The following BTBD9 variants were observed in gnomAD, a reference collection of about 807,000 sequenced individuals.
BTBD9 encodes the protein BTB domain containing 9.
BTBD9 carries 49 observed loss-of-function variants against 64.3 expected under a neutral mutation model. The observed-to-expected ratio is 0.76, with a 90% CI of 0.61 to 0.97. The LOEUF is 0.97. Ranked by LOEUF, BTBD9 falls within the 50% of genes least tolerant of loss-of-function variation. The probability of loss-of-function intolerance (pLI) is 0.00; values close to 1 mark genes in which losing one functional copy is unlikely to be tolerated. For synonymous variants in BTBD9, 260 were observed against 274.7 expected, an observed-to-expected ratio of 0.95 and a Z score of 0.53; for missense variants, 598 against 762.1, an observed-to-expected ratio of 0.78 and a Z score of 2.53.
At chr6:38,446,774 A>G (rs1769296344) in intron 6 of BTBD9, among the ~76,000 whole-genome samples, 1 of 152,230 alleles carries the variant, frequency 6.6e-6, no homozygotes, top group Non-Finnish European at 1.5e-5. Flanking sequence ...CTAAGGTCAT[A>G]TAGTTGAACT....
At chr6:38,353,501 C>T (rs549051536) in intron 6 of BTBD9, among the ~76,000 whole-genome samples, 7 of 152,156 alleles carry the variant, frequency 4.6e-5, no homozygotes, top group Admixed American at 1.3e-4. Flanking sequence ...ACCCCTTCTC[C>T]GTCTCTGTTA....
intron 6 of BTBD9, among the ~76,000 whole-genome samples, chr6:38,423,244 AACAG>A (rs879559244): frequency 1.2e-4 from 18 of 152,130 alleles, no homozygotes; most frequent in Non-Finnish European, 2.1e-4. Flanking sequence ...CAGCCTGGGC[AACAG>A]ACAGAGACTC....
At chr6:38,285,003 G>C (rs1761676599) in intron 8 of BTBD9, among the ~76,000 whole-genome samples, 1 of 152,070 alleles carries the variant, frequency 6.6e-6, no homozygotes, top group South Asian at 2.1e-4. Flanking sequence ...GGGGAGGGTG[G>C]GGAGGGGTGC....
intron 10 of BTBD9, among the ~76,000 whole-genome samples, chr6:38,189,451 T>C (rs563844671): frequency 6.6e-6 from 1 of 152,324 alleles, no homozygotes; most frequent in South Asian, 2.1e-4. Context: ...CTCTGAGGGT[T>C]TGCTGTATTC....
chr6:38,303,985 C>A (rs1762524620), intron 7 of BTBD9, among the ~76,000 whole-genome samples: 1 of 146,480 alleles, frequency 6.8e-6, no homozygotes, highest in Non-Finnish European at 1.5e-5. Context: ...GAATAGCATA[C>A]TATTCTTTCT....
chr6:38,223,772 CTTTT>C (rs1229508772), intron 9 of BTBD9, among the ~76,000 whole-genome samples: 1 of 145,936 alleles, frequency 6.9e-6, no homozygotes, highest in East Asian at 2.0e-4. Context: ...TTGGATTCTC[CTTTT>C]TTTTTTTTTA....
chr6:38,326,459 G>A (rs1235182876), intron 7 of BTBD9, among the ~76,000 whole-genome samples: 7 of 152,174 alleles, frequency 4.6e-5, no homozygotes, highest in East Asian at 1.9e-4. Context: ...TGGGGGGAGC[G>A]TGGAGAACAG....
At chr6:38,296,922 C>T (rs1393817356) in intron 7 of BTBD9, among the ~76,000 whole-genome samples, 1 of 152,160 alleles carries the variant, frequency 6.6e-6, no homozygotes, top group Non-Finnish European at 1.5e-5. Context: ...TAGTACATGG[C>T]TAATTCTTAT....
Position 38,184,098 on chromosome 6 carries a change from C to T in BTBD9, c.1641+8421G>A, listed in dbSNP as rs1436864773. Among the ~76,000 whole-genome samples the T allele has an allele frequency of 6.6e-6, 1 of 152,234 alleles. No homozygotes were observed. The highest frequency in any genetic ancestry group is 1.5e-5 in the Non-Finnish European group (1 of 68,036). ...ACACGCCGTTATGTTCATCCACCCA[C>T]AGTCCCTGCAGCCTGTTGTATGAGA... On this transcript the variant is annotated intron_variant, in intron 10 of 10. Coordinates refer to ENST00000481247, the MANE Select transcript of BTBD9 (RefSeq NM_001099272.2). The surrounding 1 kb of genome is among the most constrained non-coding windows in gnomAD (Gnocchi z 4.4).
intron 1 of BTBD9, among the ~76,000 whole-genome samples, chr6:38,605,526 GTGCT>G (rs1214531446): frequency 2.6e-5 from 4 of 152,312 alleles, no homozygotes; most frequent in African/African-American, 7.2e-5. Context: ...AAGTTAACAT[GTGCT>G]TGCTTAAGTG....
intron 6 of BTBD9, among the ~76,000 whole-genome samples, chr6:38,526,176 G>A (rs911074490): frequency 6.6e-6 from 1 of 152,240 alleles, no homozygotes; most frequent in Admixed American, 6.5e-5. Flanking sequence ...TTGGGACACA[G>A]TGCCCTGTAT....
intron 6 of BTBD9, among the ~76,000 whole-genome samples, chr6:38,523,025 A>C (rs1773336007): frequency 6.6e-6 from 1 of 152,140 alleles, no homozygotes; most frequent in African/African-American, 2.4e-5. Flanking sequence ...TCTACTAAAA[A>C]TACAAAAATT....
At chr6:38,321,771 C>T (rs1763241958) in intron 7 of BTBD9, among the ~76,000 whole-genome samples, 1 of 152,032 alleles carries the variant, frequency 6.6e-6, no homozygotes, top group Non-Finnish European at 1.5e-5. Flanking sequence ...TGCCATATTA[C>T]ACTTTCTCCT....
chr6:38,365,061 T>C (rs564799836), intron 6 of BTBD9, among the ~76,000 whole-genome samples: 27 of 152,322 alleles, frequency 1.8e-4, no homozygotes, highest in Admixed American at 4.6e-4. Flanking sequence ...ACTTATAACA[T>C]TGAGGCAATG....
intron 1 of BTBD9, among the ~76,000 whole-genome samples, chr6:38,603,953 C>CA (rs1383352766): frequency 6.6e-6 from 1 of 152,092 alleles, no homozygotes; most frequent in Admixed American, 6.6e-5. Flanking sequence ...GTCCTGTCTG[C>CA]ATCTTAAACA....
chr6:38,480,596 T>C (rs537101377), intron 6 of BTBD9, among the ~76,000 whole-genome samples: 43 of 152,178 alleles, frequency 2.8e-4, no homozygotes, highest in African/African-American at 1.0e-3. Flanking sequence ...TGCAAAGTAG[T>C]ATATAAGTAA....
chr6:38,328,782 T>G (rs556451660), intron 7 of BTBD9, among the ~76,000 whole-genome samples: 1 of 151,488 alleles, frequency 6.6e-6, no homozygotes, highest in African/African-American at 2.4e-5. Flanking sequence ...CCCGTCTCCA[T>G]TAAAAATACA....
intron 9 of BTBD9, among the ~76,000 whole-genome samples, chr6:38,223,122 G>T (rs1763272989): frequency 6.6e-6 from 1 of 152,054 alleles, no homozygotes; most frequent in African/African-American, 2.4e-5. Context: ...GGCCAGGCTG[G>T]TCTTGAACTC....
chr6:38,531,299 T>C (rs901429853), intron 6 of BTBD9, among the ~76,000 whole-genome samples: 2 of 152,172 alleles, frequency 1.3e-5, no homozygotes, highest in African/African-American at 4.8e-5. Context: ...ATATTTAAAG[T>C]ACTGAAGGAG....
Sources: allele counts gnomAD v4.1 joint callset (sites outside exome capture counted in the v4.1 genomes callset), GRCh38; gene constraint gnomAD v4.1.1; non-coding constraint Gnocchi (gnomAD v3.1); transcripts MANE v1.5; gene names NCBI Gene and HGNC (gene_info 2026-07-23, HGNC 2026-07-21).